The following GRM8 variants were observed in gnomAD, a reference collection of about 807,000 sequenced individuals.
The protein encoded by GRM8 is metabotropic glutamate receptor 8.
Under a neutral mutation model 87.2 loss-of-function variants are expected in GRM8, and 47 were observed. The observed-to-expected ratio is 0.54, with a 90% confidence interval of 0.43 to 0.69. The LOEUF (loss-of-function observed/expected upper bound fraction) is 0.69. Among genes scored for constraint, GRM8 ranks in the 30% least tolerant of loss-of-function variants. The pLI is 0.00. For missense variants in GRM8, 1,019 were observed against 1,139.2 expected (o/e 0.89, Z 1.52); for synonymous variants, 396 against 404.5 (o/e 0.98, Z 0.25).
chr7:126,662,859 C>T (rs954648346), intron 7 of GRM8, among the ~76,000 whole-genome samples: 2 of 152,050 alleles, frequency 1.3e-5, no homozygotes, highest in Admixed American at 6.6e-5. Flanking sequence ...CTCTACTTCT[C>T]ATTATTTTCT....
chr7:127,131,377 G>A (rs1280296434), intron 2 of GRM8, among the ~76,000 whole-genome samples: 1 of 152,078 alleles, frequency 6.6e-6, no homozygotes, highest in Non-Finnish European at 1.5e-5. Context: ...TTAGACCAAG[G>A]GACAGACAAC....
chr7:127,074,026 T>C (rs1251759893), intron 3 of GRM8, among the ~76,000 whole-genome samples: 1 of 152,210 alleles, frequency 6.6e-6, no homozygotes, highest in Non-Finnish European at 1.5e-5. Context: ...GTTTTAGTAG[T>C]GCTGTAATGT....
chr7:126,448,655 C>A (rs1387426047), intron 9 of GRM8, among the ~76,000 whole-genome samples: 1 of 151,878 alleles, frequency 6.6e-6, no homozygotes, highest in Non-Finnish European at 1.5e-5. Flanking sequence ...TCATTGGACG[C>A]TATACTTTCA....
intron 9 of GRM8, among the ~76,000 whole-genome samples, chr7:126,453,751 A>G (rs1802906987): frequency 6.6e-6 from 1 of 151,842 alleles, no homozygotes; most frequent in Non-Finnish European, 1.5e-5. Flanking sequence ...TAAATTTTTA[A>G]AACTATGGCA....
chr7:126,628,932 G>T (rs1213467127), intron 7 of GRM8, among the ~76,000 whole-genome samples: 1 of 151,946 alleles, frequency 6.6e-6, no homozygotes, highest in African/African-American at 2.4e-5. Context: ...AGGAAAAAAG[G>T]AGAGGAAGGG....
chr7:126,853,249 G>A (rs80353375), intron 6 of GRM8, among the ~76,000 whole-genome samples: 2,980 of 152,278 alleles, frequency 0.02, 85 homozygotes, highest in African/African-American at 0.066. Context: ...GCTTTTCTCT[G>A]CATCATCAGT....
intron 2 of GRM8, among the ~76,000 whole-genome samples, chr7:127,196,539 A>C (rs2116521858): frequency 6.6e-6 from 1 of 151,866 alleles, no homozygotes; most frequent in South Asian, 2.1e-4. Context: ...ACAAACAAAA[A>C]AAAAAACAAG....
Position 127,078,756 on chromosome 7 carries a change from A to G in GRM8, c.727+27740T>C, listed in dbSNP as rs150686250. 7.9e-5 allele frequency among the ~76,000 whole-genome samples: 12 copies of G among 152,360 alleles called. No homozygotes were observed. The East Asian group carries it at 2.3e-3, about 29-fold the overall frequency. ...TTTAAAGGAAGAAATGTAACAGCCT[A>G]TCTAAATATTGCTAAAGCACACATA... On this transcript the variant is annotated intron_variant, in intron 3 of 10. Coordinates refer to ENST00000339582, the MANE Select transcript of GRM8 (RefSeq NM_000845.3).
At chr7:126,797,467 A>T (rs12666037) in intron 6 of GRM8, among the ~76,000 whole-genome samples, 2,789 of 152,132 alleles carry the variant, frequency 0.018, 35 homozygotes, top group Middle Eastern at 0.027. Flanking sequence ...TATTTTTTTT[A>T]AAAAATCATA....
rs1808073653 is a variant in GRM8 at position 126,685,503 on chromosome 7, C to T, written c.1358-76005G>A. Among the ~76,000 whole-genome samples the T allele has an allele frequency of 6.6e-6, 1 of 152,110 alleles. No individual in the cohort carries two copies. The highest frequency in any genetic ancestry group is 1.5e-5 in the Non-Finnish European group (1 of 68,014). ...GGGGGCCCAGGAAGGCCCCTCTGACCCCTGCAGGCTTGGAGGTGCCTGCTT... is the reference window on the plus strand; with the variant it reads ...GGGGGCCCAGGAAGGCCCCTCTGACTCCTGCAGGCTTGGAGGTGCCTGCTT... On this transcript the variant is annotated intron_variant, in intron 7 of 10. Coordinates refer to ENST00000339582, the MANE Select transcript of GRM8 (RefSeq NM_000845.3). This position sits in a 1 kb window ranked among gnomAD's most constrained non-coding sequence, Gnocchi z 4.2.
At chr7:126,451,261 C>T (rs1050153271) in intron 9 of GRM8, among the ~76,000 whole-genome samples, 9 of 151,746 alleles carry the variant, frequency 5.9e-5, no homozygotes, top group African/African-American at 2.2e-4. Context: ...CAGTGGTCTA[C>T]CCTATCTCAT....
chr7:126,785,702 A>T (rs1044615462), intron 6 of GRM8, among the ~76,000 whole-genome samples: 4 of 151,950 alleles, frequency 2.6e-5, no homozygotes, highest in African/African-American at 9.7e-5. Flanking sequence ...TCTACCTGTC[A>T]CCTGGAACCA....
chr7:126,562,987 CTAAT>C (rs1182425470), intron 8 of GRM8, among the ~76,000 whole-genome samples: 1 of 152,178 alleles, frequency 6.6e-6, no homozygotes, highest in Non-Finnish European at 1.5e-5. Context: ...ATATGGTTAA[CTAAT>C]TATTATAACA....
intron 9 of GRM8, among the ~76,000 whole-genome samples, 154 bp downstream of exon 9, chr7:126,532,798 T>G: frequency 2.0e-5 from 1 of 49,640 alleles, no homozygotes; most frequent in Admixed American, 1.8e-4. Flanking sequence ...TATATATATA[T>G]ATATATATAT....
intron 9 of GRM8, among the ~76,000 whole-genome samples, chr7:126,472,117 A>G (rs1805340307): frequency 6.6e-6 from 1 of 152,178 alleles, no homozygotes; most frequent in African/African-American, 2.4e-5. Flanking sequence ...TAGATATACA[A>G]TCATGTCATC....
intron 3 of GRM8, among the ~76,000 whole-genome samples, chr7:126,985,822 T>C (rs982524677): frequency 1.3e-5 from 2 of 152,158 alleles, no homozygotes; most frequent in Admixed American, 6.5e-5. Context: ...TCCAATCACA[T>C]CTTAAAGGCC....
At chr7:126,796,167 AAATT>A (rs958367325) in intron 6 of GRM8, among the ~76,000 whole-genome samples, 9 of 152,224 alleles carry the variant, frequency 5.9e-5, no homozygotes, top group East Asian at 3.9e-4. Flanking sequence ...GAAAGAACAC[AAATT>A]AATTAATATG....
At chr7:126,573,109 C>A (rs1217407414) in intron 8 of GRM8, among the ~76,000 whole-genome samples, 2 of 152,144 alleles carry the variant, frequency 1.3e-5, no homozygotes, top group African/African-American at 4.8e-5. Flanking sequence ...TAAATGGCCC[C>A]AGGTTTATGG....
At chr7:126,581,212 T>A (rs950658881) in intron 8 of GRM8, among the ~76,000 whole-genome samples, 3 of 152,112 alleles carry the variant, frequency 2.0e-5, no homozygotes, top group African/African-American at 7.2e-5. Flanking sequence ...CTCCTAATGT[T>A]CAGAGTCATT....
Sources: allele counts gnomAD v4.1 joint callset (sites outside exome capture counted in the v4.1 genomes callset), GRCh38; gene constraint gnomAD v4.1.1; non-coding constraint Gnocchi (gnomAD v3.1); transcripts MANE v1.5; gene names NCBI Gene and HGNC (gene_info 2026-07-23, HGNC 2026-07-21).